Variants in ZNF831 observed in about 807,000 individuals in gnomAD.
ZNF831 encodes the protein chromosome 20 open reading frame 174.
A neutral mutation model predicts 95.8 loss-of-function variants in ZNF831; 59 were observed. The ratio of observed to expected loss-of-function variants is 0.62; its 90% CI spans 0.50 to 0.77. The LOEUF (loss-of-function observed/expected upper bound fraction) is 0.77. ZNF831 is among the 30% of genes least tolerant of loss of function. The pLI, the probability that ZNF831 is intolerant of heterozygous loss-of-function variation, is 0.00. For synonymous variants in ZNF831, 961 were observed against 925.5 expected (o/e 1.04, Z -0.70); for missense variants, 2,205 against 2,164.0 (o/e 1.02, Z -0.38).
intron 1 of ZNF831, among the ~76,000 whole-genome samples, chr20:59,142,208 G>A (rs1356389950): frequency 1.3e-5 from 2 of 152,228 alleles, no homozygotes; most frequent in African/African-American, 4.8e-5. Flanking sequence ...GAATAGGGTG[G>A]AAGCTATGAA....
In ZNF831 at chr20:59,254,978, C is replaced by A; in HGVS notation, c.*235C>A. ...CATCTTCAAATGGTGCCAGGCAGGG[C>A]AGACATGGCAAGGAAGCAAACTCTG... On this transcript the variant is annotated 3_prime_UTR_variant, in exon 6 of 6. Transcript: ENST00000371030. The surrounding 1 kb of genome is among the most constrained non-coding windows in gnomAD (Gnocchi z 4.5). 1 of 474,806 alleles carries A rather than the reference C, an allele frequency of 2.1e-6. No individual in the cohort carries two copies. Among genetic ancestry groups the A allele is most frequent in the Non-Finnish European group, 3.7e-6 (1 of 270,984 alleles). The allele number at this position is 474,806 out of a possible 1,614,324, so 29.4% of individuals were successfully genotyped here. A position where few individuals can be genotyped will look rare whatever the true frequency, so the allele number is the denominator to read the frequency against.
chr20:59,237,056 C>T (rs933487274), intron 4 of ZNF831, among the ~76,000 whole-genome samples: 2 of 152,080 alleles, frequency 1.3e-5, no homozygotes, highest in African/African-American at 4.8e-5. Context: ...TTTCTGTTGC[C>T]CTCATCTTTT....
chr20:59,175,506 C>CT (rs1170180041), intron 1 of ZNF831, among the ~76,000 whole-genome samples: 3 of 151,838 alleles, frequency 2.0e-5, no homozygotes, highest in African/African-American at 4.8e-5. Flanking sequence ...TTCACCGATT[C>CT]TTTTTTTCTG....
At position 59,207,008 on chromosome 20, in the gene ZNF831, G is replaced by C. The variant is rs764563134; in HGVS notation, c.3979G>C (p.Gly1327Arg). 1.4e-5 allele frequency: 22 copies of C among 1,614,044 alleles called. 1 individual carries two copies. The South Asian group carries it at 2.3e-4, about 17-fold the overall frequency. The part of the protein sequence containing the change: ...RRSRHPPALE[G>R]LKPCRTPGQT... ...AAGCCGCCACCCTCCCGCACTTGAG[G>C]GACTGAAGCCATGCAGGACCCCTGG... Residue 1327 changes from glycine (G) to arginine (R), a missense_variant, in exon 4 of 6, where the codon GGA (glycine) becomes CGA (arginine). Gly to Arg is a moderately radical substitution (Grantham distance 125, BLOSUM62 -2). Coordinates refer to ENST00000371030, the MANE Select transcript of ZNF831 (RefSeq NM_178457.3).
chr20:59,194,506 A>G lies in ZNF831; in HGVS notation c.3487A>G (p.Ser1163Gly). ...SSHSGTSRSH[S>G]TRSPHSTQNP... ...CCACTCAGGGACGTCCCGGAGCCACAGCACCCGCAGTCCCCACAGCACCCA... is the reference window on the plus strand; with the variant it reads ...CCACTCAGGGACGTCCCGGAGCCACGGCACCCGCAGTCCCCACAGCACCCA... Residue 1163 changes from serine (S) to glycine (G), a missense_variant, in exon 2 of 6, where the codon AGC becomes GGC. Transcript: ENST00000371030. 1 of 1,610,218 alleles carries G rather than the reference A, an allele frequency of 6.2e-7. No individual in the cohort carries two copies. The highest frequency in any genetic ancestry group is 8.5e-7 in the Non-Finnish European group (1 of 1,178,248).
intron 1 of ZNF831, among the ~76,000 whole-genome samples, chr20:59,126,594 C>T (rs1301462558): frequency 6.6e-6 from 1 of 152,230 alleles, no homozygotes; most frequent in Non-Finnish European, 1.5e-5. Context: ...GAGTTGCCTG[C>T]TCCCGTCTCC....
Position 59,208,240 on chromosome 20 carries a change from C to T in ZNF831, c.4027+1184C>T, listed in dbSNP as rs1281332100. Among the ~76,000 whole-genome samples the T allele has an allele frequency of 6.6e-6, 1 of 152,222 alleles. No homozygotes were observed. The highest frequency in any genetic ancestry group is 1.5e-5 in the Non-Finnish European group (1 of 68,048). ...CTTCCTCATCTGTGGCTCTCAACCT[C>T]ACCTCCATCTCCCTCCTCTGTATCC... On this transcript the variant is annotated intron_variant, in intron 4 of 5. Transcript: ENST00000371030. This position sits in a 1 kb window ranked among gnomAD's most constrained non-coding sequence, Gnocchi z 4.2.
intron 1 of ZNF831, among the ~76,000 whole-genome samples, chr20:59,124,907 C>T (rs754996489): frequency 7.9e-5 from 12 of 152,178 alleles, no homozygotes; most frequent in Non-Finnish European, 1.6e-4. Flanking sequence ...TCCCCGTGCA[C>T]GGGGTCAAGT....
chr20:59,162,192 A>G (rs994844115), upstream of ZNF831, among the ~76,000 whole-genome samples: 1 of 152,174 alleles, frequency 6.6e-6, no homozygotes, highest in Non-Finnish European at 1.5e-5. Context: ...CGTTTCTCCC[A>G]TTCCATAGGT....
intron 1 of ZNF831, among the ~76,000 whole-genome samples, chr20:59,188,965 G>A (rs753087292): frequency 1.4e-4 from 21 of 152,266 alleles, no homozygotes; most frequent in Non-Finnish European, 2.5e-4. Flanking sequence ...TGGATCACCC[G>A]AAGTCAGGAG....
intron 4 of ZNF831, among the ~76,000 whole-genome samples, chr20:59,245,675 G>A (rs1365960430): frequency 1.3e-5 from 2 of 152,156 alleles, no homozygotes; most frequent in Admixed American, 6.5e-5. Context: ...CCCACAAAAT[G>A]CATTTTCCTC....
chr20:59,218,303 A>G (rs1042370567), intron 4 of ZNF831, among the ~76,000 whole-genome samples: 1 of 152,166 alleles, frequency 6.6e-6, no homozygotes, highest in African/African-American at 2.4e-5. Context: ...AGCTTTTATT[A>G]TTCCCAAACA....
At chr20:59,222,739 G>A (rs1395600298) in intron 4 of ZNF831, among the ~76,000 whole-genome samples, 1 of 152,198 alleles carries the variant, frequency 6.6e-6, no homozygotes, top group Non-Finnish European at 1.5e-5. Context: ...GCTCCGCGGC[G>A]CAGCACGGCC....
In ZNF831 at chr20:59,193,991, G is replaced by A. The variant is rs1228989095; in HGVS notation, c.2972G>A (p.Ser991Asn). 6.5e-7 allele frequency: 1 copy of A among 1,533,530 alleles called. No homozygotes were observed. Among genetic ancestry groups the A allele is most frequent in the East Asian group, 2.3e-5 (1 of 44,214 alleles). The allele number at this position is 1,533,530 out of a possible 1,614,324, so 95.0% of individuals were successfully genotyped here. Reference protein sequence around the residue: ...GSGLGTPLSPSPASGPSPGEA... With the variant: ...GSGLGTPLSPNPASGPSPGEA... Reference sequence around the variant, plus strand: ...GGACTGGGGACCCCTCTTTCTCCCAGCCCAGCCTCAGGCCCCTCCCCAGGT... The same window carrying A: ...GGACTGGGGACCCCTCTTTCTCCCAACCCAGCCTCAGGCCCCTCCCCAGGT... Residue 991 changes from serine (S) to asparagine (N), a missense_variant, in exon 2 of 6, where the codon AGC becomes AAC. Coordinates refer to ENST00000371030, the MANE Select transcript of ZNF831 (RefSeq NM_178457.3).
intron 3 of ZNF831, among the ~76,000 whole-genome samples, chr20:59,201,081 T>C (rs1984497077): frequency 6.6e-6 from 1 of 152,244 alleles, no homozygotes; most frequent in Non-Finnish European, 1.5e-5. Flanking sequence ...AGTGGTTGTA[T>C]TATTTTACAT....
intron 3 of ZNF831, among the ~76,000 whole-genome samples, chr20:59,204,016 G>C (rs1432421243): frequency 1.3e-5 from 2 of 152,184 alleles, no homozygotes; most frequent in African/African-American, 4.8e-5. Context: ...AACATTCAGA[G>C]ACTTGTTCCT....
intron 2 of ZNF831, among the ~76,000 whole-genome samples, chr20:59,153,325 G>T (rs1478547023): frequency 6.6e-6 from 1 of 152,218 alleles, no homozygotes; most frequent in Non-Finnish European, 1.5e-5. Context: ...AAGATCTTAA[G>T]CCTGCTCCAG....
In ZNF831 at chr20:59,185,667, C is replaced by T. The variant is rs188047601; in HGVS notation, c.-36-5317C>T. Among the ~76,000 whole-genome samples the T allele has an allele frequency of 4.2e-3, 636 of 152,288 alleles. 6 individuals are homozygous for T. The highest frequency in any genetic ancestry group is 0.015 in the African/African-American group (616 of 41,560). ...TGTGCCTCGTCCTCCTGCCTGGACG[C>T]ACACTCCGGGCTGTTGATGCTCTGT... On this transcript the variant is annotated intron_variant, in intron 1 of 5. Transcript: ENST00000371030.
chr20:59,233,038 A>ACG (rs1429897852), intron 4 of ZNF831, among the ~76,000 whole-genome samples: 3 of 148,986 alleles, frequency 2.0e-5, no homozygotes, highest in Non-Finnish European at 4.4e-5. Context: ...ACACACACAC[A>ACG]CACACATAGA....
Sources: gnomAD v4.1 joint callset for allele counts (sites outside exome capture counted in the v4.1 genomes callset) on GRCh38, gnomAD v4.1.1 for gene constraint, Gnocchi (gnomAD v3.1) non-coding constraint, MANE v1.5 for transcripts, NCBI Gene and HGNC (gene_info 2026-07-23, HGNC 2026-07-21) for gene names.